Variants in ANTXR2 observed in about 807,000 individuals in gnomAD.
ANTXR2 encodes the protein ANTXR cell adhesion molecule 2.
ANTXR2 carries 44 observed loss-of-function variants against 73.7 expected under a neutral mutation model. The observed-to-expected ratio is 0.60, with a 90% CI of 0.47 to 0.77. The LOEUF (loss-of-function observed/expected upper bound fraction) is 0.77. Ranked by LOEUF, ANTXR2 falls within the 30% of genes least tolerant of loss-of-function variation. The pLI is 0.00. For missense variants in ANTXR2, 604 were observed against 592.5 expected (o/e 1.02, Z -0.20); for synonymous variants, 217 against 205.9 (o/e 1.05, Z -0.46).
intron 11 of ANTXR2, among the ~76,000 whole-genome samples, chr4:80,017,250 G>C (rs1731917211): frequency 6.6e-6 from 1 of 152,206 alleles, no homozygotes; most frequent in Non-Finnish European, 1.5e-5. Flanking sequence ...ACTTGCCAGA[G>C]ACTTGTCACC....
At chr4:80,000,798 T>C (rs1341278361) in intron 12 of ANTXR2, among the ~76,000 whole-genome samples, 1 of 152,048 alleles carries the variant, frequency 6.6e-6, no homozygotes, top group Non-Finnish European at 1.5e-5. Context: ...GACACAGTAA[T>C]TAGTCAAATG....
intron 16 of ANTXR2, among the ~76,000 whole-genome samples, chr4:79,973,051 G>A (rs930867519): frequency 4.6e-5 from 7 of 151,686 alleles, no homozygotes; most frequent in African/African-American, 1.5e-4. Flanking sequence ...AAGCATAGTG[G>A]AAATAAATGC....
chr4:80,021,483 T>C (rs1329103420), intron 10 of ANTXR2, among the ~76,000 whole-genome samples: 1 of 152,212 alleles, frequency 6.6e-6, no homozygotes, highest in East Asian at 1.9e-4. Context: ...ATGTGATTCT[T>C]GCAGGTAATC....
At chr4:79,997,064 TAA>T (rs529583921) in intron 12 of ANTXR2, among the ~76,000 whole-genome samples, 1 of 146,344 alleles carries the variant, frequency 6.8e-6, no homozygotes, top group Non-Finnish European at 1.5e-5. Flanking sequence ...CCGATTTCTT[TAA>T]AAAAAAAAAA....
intron 1 of ANTXR2, among the ~76,000 whole-genome samples, chr4:80,072,205 G>A (rs1253630177): frequency 6.6e-6 from 1 of 152,152 alleles, no homozygotes; most frequent in Non-Finnish European, 1.5e-5. Flanking sequence ...GTAGCCCGGG[G>A]CTCCAATCAC....
chr4:79,926,541 C>T (rs1311293295), intron 16 of ANTXR2, among the ~76,000 whole-genome samples: 1 of 152,024 alleles, frequency 6.6e-6, no homozygotes, highest in African/African-American at 2.4e-5. Context: ...TAAAGACTTG[C>T]ATATTAAAGT....
chr4:79,946,133 C>T (rs1297991053), intron 16 of ANTXR2, among the ~76,000 whole-genome samples: 1 of 152,000 alleles, frequency 6.6e-6, no homozygotes, highest in Non-Finnish European at 1.5e-5. Flanking sequence ...ATATAACGAT[C>T]CCCATTTAAA....
chr4:79,927,943 A>C (rs1284067628), intron 16 of ANTXR2, among the ~76,000 whole-genome samples: 2 of 152,230 alleles, frequency 1.3e-5, no homozygotes, highest in African/African-American at 4.8e-5. Context: ...ATTGTGGAAC[A>C]CAGAATGGTA....
At chr4:80,008,970 T>C (rs1490676674) in intron 11 of ANTXR2, among the ~76,000 whole-genome samples, 1 of 152,192 alleles carries the variant, frequency 6.6e-6, no homozygotes, top group Non-Finnish European at 1.5e-5. Context: ...AAATTACCCA[T>C]AGGCAGAATT....
At chr4:79,923,982 A>G (rs1354574907) in intron 16 of ANTXR2, among the ~76,000 whole-genome samples, 1 of 152,142 alleles carries the variant, frequency 6.6e-6, no homozygotes, top group Non-Finnish European at 1.5e-5. Flanking sequence ...ATTTCCAAAA[A>G]CACACACATA....
chr4:80,040,686 C>A (rs1264515707), intron 7 of ANTXR2, among the ~76,000 whole-genome samples: 3 of 151,788 alleles, frequency 2.0e-5, no homozygotes, highest in Non-Finnish European at 4.4e-5. Flanking sequence ...TTAAGTCATG[C>A]ACACACTAAA....
chr4:79,978,243 C>T (rs1729728876), intron 14 of ANTXR2, 69 bp from the exon 15 acceptor site: 12 of 1,447,028 alleles, frequency 8.3e-6, no homozygotes, highest in Non-Finnish European at 9.3e-6. Flanking sequence ...CTTATTGAGC[C>T]TATGGTCCTT....
At chr4:80,002,559 C>G (rs1391956944) in intron 12 of ANTXR2, among the ~76,000 whole-genome samples, 1 of 151,808 alleles carries the variant, frequency 6.6e-6, no homozygotes, top group Non-Finnish European at 1.5e-5. Flanking sequence ...AATTGACAAA[C>G]GGGATCTAAT....
Position 80,069,497 on chromosome 4 carries a change from T to C in ANTXR2, c.235A>G (p.Arg79Gly). 1.2e-6 allele frequency: 2 copies of C among 1,601,286 alleles called. No homozygotes were observed. The highest frequency in any genetic ancestry group is 1.7e-6 in the Non-Finnish European group (2 of 1,172,242). Residue 79 changes from arginine to glycine, a missense_variant, in exon 3 of 17, where the codon AGA becomes GGA. By Grantham distance (125) the Arg-to-Gly change is moderately radical. Transcript: ENST00000403729. Reference sequence around the variant, plus strand: ...GAAGAAAACACAATGAAAGATAATCTCATTTCAGGGCTGCAAAATAAGAAA... The same window carrying C: ...GAAGAAAACACAATGAAAGATAATCCCATTTCAGGGCTGCAAAATAAGAAA... ...LAERFVSPEMRLSFIVFSSQA... is the reference protein window; with the variant it reads ...LAERFVSPEMGLSFIVFSSQA...
intron 10 of ANTXR2, among the ~76,000 whole-genome samples, chr4:80,027,565 G>A (rs187766763): frequency 5.9e-5 from 9 of 152,140 alleles, no homozygotes; most frequent in Admixed American, 3.3e-4. Flanking sequence ...AGTTTCATCT[G>A]ATTTAGATAT....
At chr4:79,985,887 G>C (rs1357786284) in intron 12 of ANTXR2, among the ~76,000 whole-genome samples, 1 of 141,602 alleles carries the variant, frequency 7.1e-6, no homozygotes, top group African/African-American at 2.6e-5. Flanking sequence ...TGTTTCCCAG[G>C]CTGGAGTGCA....
At chr4:79,964,002 T>C (rs1729250195) in intron 16 of ANTXR2, among the ~76,000 whole-genome samples, 1 of 152,236 alleles carries the variant, frequency 6.6e-6, no homozygotes, top group Non-Finnish European at 1.5e-5. Flanking sequence ...AATTTTGTTT[T>C]AGTAAAAAAT....
intron 7 of ANTXR2, among the ~76,000 whole-genome samples, chr4:80,043,963 C>G (rs1156804980): frequency 6.6e-6 from 1 of 151,838 alleles, no homozygotes; most frequent in Non-Finnish European, 1.5e-5. Context: ...GCCAAATCTC[C>G]TTTCTACATG....
chr4:80,014,747 CT>C (rs1363464152), intron 11 of ANTXR2, among the ~76,000 whole-genome samples: 1 of 152,128 alleles, frequency 6.6e-6, no homozygotes, highest in African/African-American at 2.4e-5. Flanking sequence ...GATAGTGCCC[CT>C]ATCACACGGT....
Sources: gnomAD v4.1 joint callset for allele counts (sites outside exome capture counted in the v4.1 genomes callset) on GRCh38, gnomAD v4.1.1 for gene constraint, MANE v1.5 for transcripts, NCBI Gene and HGNC (gene_info 2026-07-23, HGNC 2026-07-21) for gene names.